The following LYPD6B variants were observed in gnomAD, a reference collection of about 807,000 sequenced individuals.
LYPD6B encodes ly6/PLAUR domain-containing protein 6B.
Under a neutral mutation model 22.8 loss-of-function variants are expected in LYPD6B, and 17 were observed. The ratio of observed to expected loss-of-function variants is 0.75; its 90% CI spans 0.51 to 1.12. The LOEUF (loss-of-function observed/expected upper bound fraction) is 1.12. Among genes scored for constraint, LYPD6B ranks in the 50% most tolerant of loss-of-function variants. The pLI, the probability that LYPD6B is intolerant of heterozygous loss-of-function variation, is 0.00. For missense variants in LYPD6B, 221 were observed against 258.3 expected (o/e 0.86, Z 0.99); for synonymous variants, 106 against 91.6 (o/e 1.16, Z -0.90).
At chr2:149,072,703 A>AT (rs1366055523) in intron 1 of LYPD6B, among the ~76,000 whole-genome samples, 3 of 151,162 alleles carry the variant, frequency 2.0e-5, no homozygotes, top group Non-Finnish European at 4.4e-5. Flanking sequence ...TGCCTGGCTA[A>AT]TTTTTGTGTT....
intron 1 of LYPD6B, among the ~76,000 whole-genome samples, chr2:149,096,527 G>A (rs972004255): frequency 1.3e-5 from 2 of 152,180 alleles, no homozygotes; most frequent in Non-Finnish European, 2.9e-5. Flanking sequence ...TGGGTCCTGA[G>A]CCACATTAAT....
chr2:149,190,962 G>T (rs1444607199), intron 3 of LYPD6B, among the ~76,000 whole-genome samples: 2 of 151,940 alleles, frequency 1.3e-5, no homozygotes, highest in Non-Finnish European at 2.9e-5. Context: ...TGGTTAGAAA[G>T]ACCTTTCCCT....
intron 1 of LYPD6B, among the ~76,000 whole-genome samples, chr2:149,098,423 A>G (rs960297755): frequency 1.3e-5 from 2 of 151,998 alleles, no homozygotes; most frequent in African/African-American, 4.8e-5. Context: ...TCAGGAGTTC[A>G]AGACCAGCCT....
At chr2:149,187,244 C>T (rs1195186344) in intron 3 of LYPD6B, among the ~76,000 whole-genome samples, 1 of 152,048 alleles carries the variant, frequency 6.6e-6, no homozygotes, top group African/African-American at 2.4e-5. Flanking sequence ...ACTGAGATCA[C>T]AAAAGGAAGC....
intron 2 of LYPD6B, among the ~76,000 whole-genome samples, chr2:149,137,747 A>G (rs561087335): frequency 6.6e-6 from 1 of 152,352 alleles, no homozygotes; most frequent in Non-Finnish European, 1.5e-5. Flanking sequence ...TGTACTATAA[A>G]TAAGTCTCTA....
intron 1 of LYPD6B, among the ~76,000 whole-genome samples, chr2:149,078,805 G>A (rs1455664943): frequency 6.6e-6 from 1 of 152,024 alleles, no homozygotes; most frequent in Non-Finnish European, 1.5e-5. Flanking sequence ...CCTGGAGTTC[G>A]AGAGCAGCCT....
intron 3 of LYPD6B, among the ~76,000 whole-genome samples, chr2:149,197,003 C>A (rs1213163186): frequency 1.3e-5 from 2 of 152,170 alleles, no homozygotes; most frequent in Non-Finnish European, 1.5e-5. Flanking sequence ...ATTTCAGCCT[C>A]CATTTCTCTT....
chr2:149,205,124 G>C, intron 3 of LYPD6B, 129 bp from the exon 4 acceptor site: 1 of 891,244 alleles, frequency 1.1e-6, no homozygotes, highest in Non-Finnish European at 1.7e-6. Flanking sequence ...TTACTCGCAG[G>C]TCCTGGCCCT....
At chr2:149,160,966 C>G in intron 3 of LYPD6B, 131 bp downstream of exon 3, 1 of 705,056 alleles carries the variant, frequency 1.4e-6, no homozygotes, top group Non-Finnish European at 2.5e-6. Flanking sequence ...TGCCAGGTTT[C>G]CCATCCTAAG....
intron 1 of LYPD6B, among the ~76,000 whole-genome samples, chr2:149,106,067 A>G (rs1027605930): frequency 5.3e-5 from 8 of 151,932 alleles, no homozygotes; most frequent in African/African-American, 1.7e-4. Context: ...TTTCTTTTTA[A>G]GTTTGTTAAT....
At chr2:149,173,834 ATTTG>A (rs1205287070) in intron 3 of LYPD6B, among the ~76,000 whole-genome samples, 1 of 152,004 alleles carries the variant, frequency 6.6e-6, no homozygotes, top group Non-Finnish European at 1.5e-5. Flanking sequence ...TAATTCAGAG[ATTTG>A]TTTATTTGTG....
chr2:149,205,174 G>C, intron 3 of LYPD6B, 79 bp from the exon 4 acceptor site: 1 of 1,447,120 alleles, frequency 6.9e-7, no homozygotes, highest in South Asian at 1.3e-5. Flanking sequence ...GGATAATGGA[G>C]CTTTCCAAAC....
chr2:149,206,003 C>T (rs958089369), intron 4 of LYPD6B: 1 of 467,426 alleles, frequency 2.1e-6, no homozygotes, highest in African/African-American at 2.0e-5. Context: ...TGTCATTAAC[C>T]CTCCTTTCTT....
chr2:149,169,424 A>T (rs114264443), intron 3 of LYPD6B, among the ~76,000 whole-genome samples: 2,356 of 152,338 alleles, frequency 0.015, 74 homozygotes, highest in African/African-American at 0.054. Flanking sequence ...TGAAGGGGAT[A>T]AGGTTCTCAA....
At chr2:149,128,073 TA>T (rs1210063644) in intron 1 of LYPD6B, among the ~76,000 whole-genome samples, 1 of 152,244 alleles carries the variant, frequency 6.6e-6, no homozygotes, top group Non-Finnish European at 1.5e-5. Flanking sequence ...TCAGCTAACA[TA>T]TATCATTTAC....
At chr2:149,208,769 T>G (rs934780235) in intron 5 of LYPD6B, among the ~76,000 whole-genome samples, 4 of 152,256 alleles carry the variant, frequency 2.6e-5, no homozygotes, top group Non-Finnish European at 4.4e-5. Flanking sequence ...TTCATTCATT[T>G]AACAAACTTC....
intron 3 of LYPD6B, among the ~76,000 whole-genome samples, chr2:149,175,669 A>T (rs1159733720): frequency 1.3e-5 from 2 of 151,500 alleles, no homozygotes; most frequent in Non-Finnish European, 2.9e-5. Context: ...TTTTCTTTAC[A>T]TCCTTATTCT....
At chr2:149,067,370 ACAT>A (rs932742713) in intron 1 of LYPD6B, among the ~76,000 whole-genome samples, 58 of 152,236 alleles carry the variant, frequency 3.8e-4, no homozygotes, top group Middle Eastern at 3.4e-3. Context: ...AATAATTTAA[ACAT>A]CTTTTAAAAA....
intron 1 of LYPD6B, among the ~76,000 whole-genome samples, chr2:149,110,012 C>T (rs1017172962): frequency 1.8e-4 from 28 of 152,156 alleles, no homozygotes; most frequent in African/African-American, 6.0e-4. Context: ...TACCCGGCCA[C>T]GTTCTTTTCT....
Sources: allele counts gnomAD v4.1 joint callset (sites outside exome capture counted in the v4.1 genomes callset), GRCh38; gene constraint gnomAD v4.1.1; transcripts MANE v1.5; gene names NCBI Gene and HGNC (gene_info 2026-07-23, HGNC 2026-07-21).